Variants in PTPRN2 observed in about 807,000 individuals in gnomAD.
PTPRN2 encodes protein tyrosine phosphatase receptor type N2.
A neutral mutation model predicts 118.8 loss-of-function variants in PTPRN2; 74 were observed. The ratio of observed to expected loss-of-function variants is 0.62; its 90% confidence interval spans 0.52 to 0.76. PTPRN2 has a LOEUF of 0.76. Among genes scored for constraint, PTPRN2 ranks in the 30% least tolerant of loss-of-function variants. PTPRN2 has a pLI of 0.00. For synonymous variants in PTPRN2, 641 were observed against 608.0 expected (o/e 1.05, Z -0.80); for missense variants, 1,481 against 1,394.4 (o/e 1.06, Z -0.99).
At chr7:157,882,470 C>T (rs1412899763) in intron 12 of PTPRN2, among the ~76,000 whole-genome samples, 4 of 150,888 alleles carry the variant, frequency 2.7e-5, no homozygotes, top group Middle Eastern at 3.3e-3. Context: ...GAACACACCA[C>T]CCCCAAAATG....
intron 3 of PTPRN2, among the ~76,000 whole-genome samples, chr7:158,264,661 G>T (rs865906983): frequency 1.3e-5 from 2 of 152,152 alleles, no homozygotes; most frequent in African/African-American, 4.8e-5. Context: ...GTCCCTTGCG[G>T]GGACCAAAGG....
chr7:157,801,765 G>A lies in PTPRN2; in HGVS notation c.1788+96908C>T, dbSNP rs1365450026. The stretch of plus-strand genomic sequence containing the variant: ...CACCGAGGGTTCTGGGAAGGAAAAC[G>A]CCCGCTTAGTGGAAGAACAGAACGG... On this transcript the variant is annotated intron_variant, in intron 12 of 22. Coordinates refer to ENST00000389418, the MANE Select transcript of PTPRN2 (RefSeq NM_002847.5). The surrounding 1 kb of genome is among the most constrained non-coding windows in gnomAD (Gnocchi z 4.2). 6.6e-6 allele frequency among the ~76,000 whole-genome samples: 1 copy of A among 152,168 alleles called. No individual in the cohort carries two copies. The highest frequency in any genetic ancestry group is 1.5e-5 in the Non-Finnish European group (1 of 68,022).
intron 11 of PTPRN2, among the ~76,000 whole-genome samples, chr7:157,901,721 TTCCTGGG>T (rs57871562): frequency 0.052 from 2,985 of 57,782 alleles, 144 homozygotes; most frequent in African/African-American, 0.12. Context: ...CCGTCCGTGT[TTCCTGGG>T]TCCTGAGGTG....
At chr7:158,070,900 T>TGGTGG (rs1811320050) in intron 11 of PTPRN2, among the ~76,000 whole-genome samples, 1 of 118,536 alleles carries the variant, frequency 8.4e-6, no homozygotes, top group Non-Finnish European at 1.7e-5. Context: ...GTGCCCATGG[T>TGGTGG]AGTGGAGGTG....
chr7:158,192,596 C>T (rs528757232), intron 4 of PTPRN2, 101 bp from the exon 5 acceptor site: 51 of 1,357,352 alleles, frequency 3.8e-5, no homozygotes, highest in Admixed American at 8.4e-5. Context: ...GGCTGGGAGC[C>T]GGGCTCTCGG....
In PTPRN2 at chr7:157,682,878, G is replaced by A. The variant is rs1266030066; in HGVS notation, c.1848C>T (p.Ile616=). The change falls in exon 13 of 23, where the codon ATC becomes ATT. Residue 616 remains isoleucine, a synonymous_variant. Coordinates refer to ENST00000389418, the MANE Select transcript of PTPRN2 (RefSeq NM_002847.5). The part of the protein sequence containing the change: ...QAEQEDSTKF[I]ALTLVSLACI... Reference sequence around the variant, plus strand: ...AGGCGAGGGAGACCAGGGTGAGCGCGATGAACTTGGTGGAGTCTTCTTGCT... The same window carrying A: ...AGGCGAGGGAGACCAGGGTGAGCGCAATGAACTTGGTGGAGTCTTCTTGCT... 3 of 1,613,936 alleles carry A rather than the reference G, an allele frequency of 1.9e-6. No individual in the cohort carries two copies. The highest frequency in any genetic ancestry group is 2.2e-5 in the East Asian group (1 of 44,900).
chr7:158,457,280 A>G (rs1457693257), intron 2 of PTPRN2, among the ~76,000 whole-genome samples: 1 of 151,978 alleles, frequency 6.6e-6, no homozygotes, highest in African/African-American at 2.4e-5. Context: ...CCTAACTCCA[A>G]TGAACATCCC....
rs968674803 is a variant in PTPRN2 at position 157,619,050 on chromosome 7, G to A, written c.2344+2312C>T. On this transcript the variant is annotated intron_variant, in intron 15 of 22. Transcript: ENST00000389418. The surrounding 1 kb of genome is among the most constrained non-coding windows in gnomAD (Gnocchi z 5.3). ...CACATGTGGCCACCCTGTTGGCACC[G>A]GCTGCTACCTGGGGAGGCTGCCTGT... 6.6e-6 allele frequency among the ~76,000 whole-genome samples: 1 copy of A among 152,008 alleles called. No homozygotes were observed. Among genetic ancestry groups the A allele is most frequent in the East Asian group, 1.9e-4 (1 of 5,168 alleles).
Position 158,483,577 on chromosome 7 carries a change from G to A in PTPRN2, c.163+6158C>T, listed in dbSNP as rs576506034. Among the ~76,000 whole-genome samples the A allele has an allele frequency of 1.0e-3, 156 of 152,258 alleles. 2 individuals carry two copies. The South Asian group carries it at 0.012, about 12-fold the overall frequency. On this transcript the variant is annotated intron_variant, in intron 2 of 22. Transcript: ENST00000389418. ...CTGGAAAAACTCCCAAATCTGAGAG[G>A]GACAAGCTTATTGTTCTGCTTTGTG... is the stretch of plus-strand genomic sequence containing the variant.
At chr7:158,281,205 C>T (rs1391053504) in intron 3 of PTPRN2, among the ~76,000 whole-genome samples, 1 of 152,186 alleles carries the variant, frequency 6.6e-6, no homozygotes, top group African/African-American at 2.4e-5. Flanking sequence ...AGGAGAATCA[C>T]TTGAACCGGG....
intron 11 of PTPRN2, chr7:158,030,464 G>A (rs2128881898): frequency 6.6e-6 from 1 of 152,420 alleles, no homozygotes; most frequent in South Asian, 2.1e-4. Context: ...TCCAGCTCCT[G>A]TGTATGGGAT....
chr7:158,183,293 T>C (rs943364897), intron 5 of PTPRN2, among the ~76,000 whole-genome samples: 1 of 152,218 alleles, frequency 6.6e-6, no homozygotes, highest in Non-Finnish European at 1.5e-5. Context: ...CATTCAACAC[T>C]AATATTGAGA....
rs574128572 is a variant in PTPRN2 at position 157,710,812 on chromosome 7, G to C, written c.1789-27875C>G. Among the ~76,000 whole-genome samples, 241 of 149,506 alleles carry C rather than the reference G, an allele frequency of 1.6e-3. 5 individuals carry two copies. The highest frequency in any genetic ancestry group is 5.7e-3 in the African/African-American group (233 of 40,578). ...CGGGTTACACGCGAGAGCCCCACGC[G>C]CCGGAGGTTCCGGGGCAGCCGGGTT... On this transcript the variant is annotated intron_variant, in intron 12 of 22. Transcript: ENST00000389418.
intron 6 of PTPRN2, among the ~76,000 whole-genome samples, chr7:158,149,222 C>T (rs1333064462): frequency 1.3e-5 from 2 of 152,144 alleles, no homozygotes; most frequent in African/African-American, 2.4e-5. Flanking sequence ...GGCTGACCTG[C>T]TCTCCAAGCT....
At chr7:158,340,569 T>C (rs1806519763) in intron 2 of PTPRN2, among the ~76,000 whole-genome samples, 2 of 117,172 alleles carry the variant, frequency 1.7e-5, no homozygotes, top group Non-Finnish European at 3.7e-5. Flanking sequence ...ACCCACAATC[T>C]CACCATAAGA....
At chr7:157,950,607 A>G (rs1800747657) in intron 11 of PTPRN2, among the ~76,000 whole-genome samples, 1 of 152,152 alleles carries the variant, frequency 6.6e-6, no homozygotes, top group African/African-American at 2.4e-5. Context: ...ACGTCTCTAG[A>G]TTCCTTTGTT....
intron 16 of PTPRN2, among the ~76,000 whole-genome samples, chr7:157,600,793 C>T (rs1182910663): frequency 6.6e-6 from 1 of 152,200 alleles, no homozygotes; most frequent in African/African-American, 2.4e-5. Flanking sequence ...TGAATATAAA[C>T]CATTATTATA....
intron 3 of PTPRN2, among the ~76,000 whole-genome samples, chr7:158,274,152 A>G (rs113417871): frequency 9.0e-6 from 1 of 111,730 alleles, no homozygotes; most frequent in African/African-American, 3.7e-5. Flanking sequence ...GGAGCCGCAG[A>G]CACAGGGGGA....
intron 12 of PTPRN2, among the ~76,000 whole-genome samples, chr7:157,771,660 GAGACACACAAACACACAGACACACATGC>G (rs1010438885): frequency 2.0e-5 from 3 of 152,140 alleles, no homozygotes; most frequent in African/African-American, 4.8e-5. Flanking sequence ...CACACAGTCA[GAGACACACAAACACACAGACACACATGC>G]AGACACACAA....
Sources: allele counts gnomAD v4.1 joint callset (sites outside exome capture counted in the v4.1 genomes callset), GRCh38; gene constraint gnomAD v4.1.1; non-coding constraint Gnocchi (gnomAD v3.1); transcripts MANE v1.5; gene names NCBI Gene and HGNC (gene_info 2026-07-23, HGNC 2026-07-21).